ROBO2: variants seen among roughly 807,000 people sequenced by gnomAD.
ROBO2 encodes roundabout homolog 2.
A neutral mutation model predicts 160.8 loss-of-function variants in ROBO2; 53 were observed. The observed-to-expected ratio is 0.33, with a 90% CI of 0.26 to 0.41. The LOEUF (loss-of-function observed/expected upper bound fraction) is 0.41, where lower values mean the gene tolerates loss of function less well. Ranked by LOEUF, ROBO2 falls within the 10% of genes least tolerant of loss-of-function variation. The pLI is 1.00. For synonymous variants in ROBO2, 664 were observed against 611.7 expected, an observed-to-expected ratio of 1.09 and a Z score of -1.26; for missense variants, 1,577 against 1,722.4, an observed-to-expected ratio of 0.92 and a Z score of 1.49.
At chr3:76,983,213 A>C (rs2149336222) in intron 2 of ROBO2, among the ~76,000 whole-genome samples, 1 of 152,262 alleles carries the variant, frequency 6.6e-6, no homozygotes, top group East Asian at 1.9e-4. Flanking sequence ...TGAGCCCGGA[A>C]GGTGGGGAGG....
intron 2 of ROBO2, among the ~76,000 whole-genome samples, chr3:76,015,259 A>G (rs1010014556): frequency 1.3e-5 from 2 of 152,216 alleles, no homozygotes; most frequent in Admixed American, 6.5e-5. Flanking sequence ...CAAAGTTCAG[A>G]GGAAGTCATA....
At chr3:76,415,503 A>AAGTGAT (rs2075719151) in intron 2 of ROBO2, among the ~76,000 whole-genome samples, 2 of 152,174 alleles carry the variant, frequency 1.3e-5, no homozygotes, top group Non-Finnish European at 2.9e-5. Context: ...TAAATATTTT[A>AAGTGAT]ATAATGACTT....
rs1168514355 is a variant in ROBO2 at position 77,165,164 on chromosome 3, T to G, written c.388+66824T>G. 2.4e-4 allele frequency among the ~76,000 whole-genome samples: 37 copies of G among 151,364 alleles called. No individual in the cohort carries two copies. In the East Asian group the frequency reaches 6.9e-3, roughly 28 times the overall value. Reference sequence around the variant, plus strand: ...AGATTGAGAAATCGGATGGTTGCCGTGTCTGTGTGGAAAGAAGTAGACATG... The same window carrying G: ...AGATTGAGAAATCGGATGGTTGCCGGGTCTGTGTGGAAAGAAGTAGACATG... On this transcript the variant is annotated intron_variant, in intron 2 of 25. Transcript: ENST00000461745.
intron 2 of ROBO2, among the ~76,000 whole-genome samples, chr3:76,367,129 T>A (rs1023572731): frequency 2.0e-5 from 3 of 152,032 alleles, no homozygotes; most frequent in Non-Finnish European, 2.9e-5. Context: ...AGAAGATGAT[T>A]GCACAGAGAT....
chr3:76,347,914 A>G (rs1445179460), intron 2 of ROBO2, among the ~76,000 whole-genome samples: 1 of 152,152 alleles, frequency 6.6e-6, no homozygotes, highest in Non-Finnish European at 1.5e-5. Context: ...GATACAATTG[A>G]ATGAGGATGT....
At chr3:76,122,317 T>G (rs1351327182) in intron 2 of ROBO2, among the ~76,000 whole-genome samples, 3 of 152,180 alleles carry the variant, frequency 2.0e-5, no homozygotes, top group Non-Finnish European at 1.5e-5. Context: ...AAGATCATAT[T>G]CTCAGAAGGT....
intron 2 of ROBO2, among the ~76,000 whole-genome samples, chr3:76,815,233 C>A (rs2065559517): frequency 6.6e-6 from 1 of 151,794 alleles, no homozygotes; most frequent in Admixed American, 6.6e-5. Flanking sequence ...TAACAGTCAA[C>A]AAAGAATAAC....
At chr3:75,994,790 G>A (rs1395884866) in intron 2 of ROBO2, among the ~76,000 whole-genome samples, 1 of 152,154 alleles carries the variant, frequency 6.6e-6, no homozygotes, top group East Asian at 1.9e-4. Flanking sequence ...TCAGAAGACA[G>A]GAAGATATGA....
chr3:75,930,726 A>G (rs553194503), intron 1 of ROBO2, among the ~76,000 whole-genome samples: 23 of 152,300 alleles, frequency 1.5e-4, no homozygotes, highest in African/African-American at 3.4e-4. Context: ...CTAGATGCTT[A>G]TAAGTCATTT....
At chr3:76,447,038 G>A (rs1432364235) in intron 2 of ROBO2, among the ~76,000 whole-genome samples, 16 of 152,178 alleles carry the variant, frequency 1.1e-4, no homozygotes, top group East Asian at 5.8e-4. Context: ...AAAATTGACA[G>A]ATGGGATCTA....
At chr3:76,917,176 C>A (rs1232975661) in intron 2 of ROBO2, among the ~76,000 whole-genome samples, 1 of 152,162 alleles carries the variant, frequency 6.6e-6, no homozygotes, top group East Asian at 1.9e-4. Flanking sequence ...GATTCTACTT[C>A]ATTTTTATGT....
intron 2 of ROBO2, among the ~76,000 whole-genome samples, chr3:77,236,994 C>T (rs2088095037): frequency 6.6e-6 from 1 of 152,126 alleles, no homozygotes; most frequent in South Asian, 2.1e-4. Context: ...CAACTCCAGA[C>T]ACTGGAGTAG....
intron 2 of ROBO2, among the ~76,000 whole-genome samples, chr3:75,964,492 C>G (rs1318156722): frequency 1.3e-5 from 2 of 151,600 alleles, no homozygotes; most frequent in African/African-American, 4.8e-5. Context: ...CAATCCTGCA[C>G]TTTATCTTCA....
At chr3:76,067,097 G>A (rs7653310) in intron 2 of ROBO2, among the ~76,000 whole-genome samples, 97,510 of 151,988 alleles carry the variant, frequency 0.64, 31,890 homozygotes, top group Middle Eastern at 0.77. Context: ...CAATAGCTGA[G>A]CAAAGTGGTT....
intron 2 of ROBO2, among the ~76,000 whole-genome samples, chr3:77,199,661 C>A (rs2082641662): frequency 7.3e-6 from 1 of 136,650 alleles, no homozygotes; most frequent in Middle Eastern, 4.2e-3. Context: ...TTCTCACTGT[C>A]TCCTCAGGTC....
intron 2 of ROBO2, among the ~76,000 whole-genome samples, chr3:76,958,219 C>G (rs567553294): frequency 1.3e-5 from 2 of 152,336 alleles, no homozygotes; most frequent in South Asian, 4.1e-4. Context: ...GCCTTCTCAG[C>G]CTTCTCATCT....
chr3:77,277,164 CT>C (rs750189653), intron 2 of ROBO2, among the ~76,000 whole-genome samples: 6 of 84,968 alleles, frequency 7.1e-5, no homozygotes, highest in Admixed American at 2.7e-4. Flanking sequence ...TTCCTTCTTT[CT>C]TTCTTTCTTT....
chr3:76,216,940 C>G (rs962696392), intron 2 of ROBO2, among the ~76,000 whole-genome samples: 3 of 152,142 alleles, frequency 2.0e-5, no homozygotes, highest in African/African-American at 2.4e-5. Context: ...TGTAAAAGAA[C>G]AGAAATTATA....
intron 1 of ROBO2, among the ~76,000 whole-genome samples, chr3:77,064,561 A>G (rs2066652627): frequency 6.6e-6 from 1 of 152,042 alleles, no homozygotes; most frequent in African/African-American, 2.4e-5. Flanking sequence ...GGTTTTTGCC[A>G]TATTGGCCCG....
Sources: allele counts gnomAD v4.1 joint callset (sites outside exome capture counted in the v4.1 genomes callset), GRCh38; gene constraint gnomAD v4.1.1; transcripts MANE v1.5; gene names NCBI Gene and HGNC (gene_info 2026-07-23, HGNC 2026-07-21).